The following UGT2B4 variants were observed in gnomAD, a reference collection of about 807,000 sequenced individuals.
UGT2B4 encodes the protein UDP glucuronosyltransferase family 2 member B4.
Under a neutral mutation model 49.8 loss-of-function variants are expected in UGT2B4, and 49 were observed. That is an observed-to-expected ratio of 0.98 (90% CI 0.78 to 1.25). UGT2B4 has a LOEUF of 1.25. Among genes scored for constraint, UGT2B4 ranks in the 50% most tolerant of loss-of-function variants. UGT2B4 has a pLI of 0.00. For synonymous variants in UGT2B4, 246 were observed against 217.7 expected (o/e 1.13, Z -1.14); for missense variants, 729 against 627.7 (o/e 1.16, Z -1.73).
At position 69,501,928 on chromosome 4, in the gene UGT2B4, C is replaced by T. The variant is rs549888870; in HGVS notation, c.-105-5962G>A. On this transcript the variant is annotated intron_variant, in intron 1 of 1. Coordinates refer to the UGT2B4 transcript ENST00000510114. ...GGGCTCATGAGGGAACTTCCTGACC[C>T]GAGGGTTGCAGAGATCTGTGGGAGA... is the stretch of plus-strand genomic sequence containing the variant. Among the ~76,000 whole-genome samples, 209 of 152,160 alleles carry T rather than the reference C, an allele frequency of 1.4e-3. 1 individual carries two copies. Among genetic ancestry groups the T allele is most frequent in the Non-Finnish European group, 1.4e-3 (93 of 68,000 alleles).
At chr4:69,501,155 G>A (rs1728309548) in intron 1 of UGT2B4, among the ~76,000 whole-genome samples, 1 of 151,742 alleles carries the variant, frequency 6.6e-6, no homozygotes, top group South Asian at 2.1e-4. Flanking sequence ...TGGGTGCAGA[G>A]GGGTAGTGTG....
intron 1 of UGT2B4, among the ~76,000 whole-genome samples, chr4:69,520,711 C>T (rs2082334): frequency 0.61 from 90,664 of 148,718 alleles, 27,572 homozygotes; most frequent in East Asian, 0.75. Context: ...TGAGCACAGA[C>T]GAACACAGGA....
In UGT2B4 at chr4:69,489,596, T is replaced by C. The variant is rs751000740; in HGVS notation, c.871-26A>G. 15 of 1,592,250 alleles carry C rather than the reference T, an allele frequency of 9.4e-6. No homozygotes were observed. The African/African-American group carries it at 1.9e-4, about 20-fold the overall frequency. On this transcript the variant is annotated intron_variant, in intron 2 of 5. Transcript: ENST00000305107. ...CTGTGAAAAAAAAGAATTTGTTCTA[T>C]CATAATAGATTATCAGCACAGCAAG... is the stretch of plus-strand genomic sequence containing the variant.
chr4:69,502,091 C>CTTTCTTTCTTTCTTTCTTTCTTTCTT (rs1164693410), intron 1 of UGT2B4, among the ~76,000 whole-genome samples: 3 of 108,416 alleles, frequency 2.8e-5, no homozygotes, highest in Non-Finnish European at 5.9e-5. Flanking sequence ...TTCTTTCTCT[C>CTTTCTTTCTTTCTTTCTTTCTTTCTT]TCTTTCTTTC....
chr4:69,508,821 T>C (rs901922379), intron 1 of UGT2B4, among the ~76,000 whole-genome samples: 1 of 152,214 alleles, frequency 6.6e-6, no homozygotes, highest in Non-Finnish European at 1.5e-5. Context: ...TTTACCTATA[T>C]AAACCTGTAC....
chr4:69,515,608 C>A (rs576496388), intron 1 of UGT2B4, among the ~76,000 whole-genome samples: 2 of 151,964 alleles, frequency 1.3e-5, no homozygotes, highest in East Asian at 3.9e-4. Context: ...ACTAGAGAAC[C>A]AAAAGCAAGC....
At chr4:69,484,134 A>G (rs987523885) in intron 5 of UGT2B4, among the ~76,000 whole-genome samples, 1 of 152,186 alleles carries the variant, frequency 6.6e-6, no homozygotes, top group Non-Finnish European at 1.5e-5. Flanking sequence ...GAATGGTATA[A>G]CAAAAAGACA....
chr4:69,508,290 T>G (rs1560440767), intron 1 of UGT2B4, among the ~76,000 whole-genome samples: 1 of 152,202 alleles, frequency 6.6e-6, no homozygotes, highest in Non-Finnish European at 1.5e-5. Flanking sequence ...GAAGACAGTG[T>G]GGTGATTCCT....
chr4:69,490,686 C>T (rs41297381), intron 2 of UGT2B4, among the ~76,000 whole-genome samples: 9,664 of 152,120 alleles, frequency 0.064, 478 homozygotes, highest in Middle Eastern at 0.088. Flanking sequence ...ATTTGCAGAC[C>T]ACATATGGCT....
intron 1 of UGT2B4, among the ~76,000 whole-genome samples, chr4:69,510,973 CTTTCT>C (rs1560441450): frequency 7.4e-6 from 1 of 135,914 alleles, no homozygotes. Context: ...CATAAATACT[CTTTCT>C]TTTCTTTTCT....
intron 3 of UGT2B4, 127 bp from the exon 4 acceptor site, chr4:69,486,823 T>C (rs1026821723): frequency 1.7e-6 from 1 of 585,554 alleles, no homozygotes. Flanking sequence ...CTCAGACTGA[T>C]GTAAATAGAA....
intron 1 of UGT2B4, among the ~76,000 whole-genome samples, chr4:69,522,548 T>C (rs1448721233): frequency 6.6e-6 from 1 of 152,190 alleles, no homozygotes; most frequent in Non-Finnish European, 1.5e-5. Context: ...TGTACACACC[T>C]CAATTGAAAA....
In UGT2B4 at chr4:69,480,557, T is replaced by A; in HGVS notation, c.*77A>T. 1 of 1,528,404 alleles carries A rather than the reference T, an allele frequency of 6.5e-7. No individual in the cohort carries two copies. Among genetic ancestry groups the A allele is most frequent in the Admixed American group, 2.1e-5 (1 of 47,416 alleles). 94.7% of individuals were successfully genotyped at this position (1,528,404 alleles called of 1,614,324 possible). On this transcript the variant is annotated 3_prime_UTR_variant, in exon 6 of 6. Coordinates refer to ENST00000305107, the MANE Select transcript of UGT2B4 (RefSeq NM_021139.3). ...GTCACAAGAAGAAAGGAATCTCTTG[T>A]ATCACAACGTCTTCTTGTTGTAATA...
intron 1 of UGT2B4, among the ~76,000 whole-genome samples, chr4:69,509,043 G>A (rs1038731640): frequency 1.3e-5 from 2 of 151,986 alleles, no homozygotes; most frequent in African/African-American, 4.8e-5. Context: ...AGTTTGACTG[G>A]TTTAGATGCC....
intron 1 of UGT2B4, among the ~76,000 whole-genome samples, chr4:69,504,855 A>G (rs1728430424): frequency 6.6e-6 from 1 of 152,176 alleles, no homozygotes; most frequent in African/African-American, 2.4e-5. Context: ...AGATAGTGAG[A>G]AAGACCAGGT....
At chr4:69,513,890 C>T (rs1214326934) in intron 1 of UGT2B4, among the ~76,000 whole-genome samples, 1 of 152,076 alleles carries the variant, frequency 6.6e-6, no homozygotes, top group Non-Finnish European at 1.5e-5. Context: ...GCTGTTGATG[C>T]ATAAGAATGC....
intron 1 of UGT2B4, among the ~76,000 whole-genome samples, chr4:69,511,963 C>A (rs1728614445): frequency 6.6e-6 from 1 of 151,810 alleles, no homozygotes; most frequent in Admixed American, 6.6e-5. Context: ...TCATAGTAGG[C>A]TCTTATAATC....
chr4:69,516,430 C>A (rs1728735322), intron 1 of UGT2B4, among the ~76,000 whole-genome samples: 1 of 152,192 alleles, frequency 6.6e-6, no homozygotes, highest in Admixed American at 6.5e-5. Context: ...AAGAGTTGAA[C>A]TAATTTACAT....
At chr4:69,487,019 C>T (rs2220857) in intron 3 of UGT2B4, among the ~76,000 whole-genome samples, 36,575 of 151,992 alleles carry the variant, frequency 0.24, 4,612 homozygotes, top group East Asian at 0.42. Flanking sequence ...CATCACTGGT[C>T]AAATCCACAA....
Sources: gnomAD v4.1 joint callset for allele counts (sites outside exome capture counted in the v4.1 genomes callset) on GRCh38, gnomAD v4.1.1 for gene constraint, MANE v1.5 for transcripts, NCBI Gene and HGNC (gene_info 2026-07-23, HGNC 2026-07-21) for gene names.